Variants in ZCCHC7 observed in about 807,000 individuals in gnomAD.
The protein encoded by ZCCHC7 is zinc finger CCHC-type containing 7.
Under a neutral mutation model 52.0 loss-of-function variants are expected in ZCCHC7, and 35 were observed. That is an observed-to-expected ratio of 0.67 (90% CI 0.51 to 0.89). ZCCHC7 has a LOEUF of 0.89. ZCCHC7 is among the 40% of genes least tolerant of loss of function. ZCCHC7 has a pLI of 0.00. For missense variants in ZCCHC7, 574 were observed against 649.1 expected (o/e 0.88, Z 1.26); for synonymous variants, 217 against 221.5 (o/e 0.98, Z 0.18).
intron 2 of ZCCHC7, among the ~76,000 whole-genome samples, chr9:37,156,051 A>C (rs1447392539): frequency 6.6e-6 from 1 of 152,200 alleles, no homozygotes; most frequent in Non-Finnish European, 1.5e-5. Context: ...ATGTTAGTTC[A>C]TGTGTGTTAG....
intron 2 of ZCCHC7, among the ~76,000 whole-genome samples, chr9:37,232,327 C>G (rs1380318143): frequency 6.6e-6 from 1 of 152,206 alleles, no homozygotes; most frequent in African/African-American, 2.4e-5. Flanking sequence ...GCCCTGGCTA[C>G]ACATTAGAAT....
At chr9:37,187,465 C>G (rs990989038) in intron 2 of ZCCHC7, among the ~76,000 whole-genome samples, 1 of 152,228 alleles carries the variant, frequency 6.6e-6, no homozygotes, top group African/African-American at 2.4e-5. Flanking sequence ...ACTAGCCTGC[C>G]GGCTGCTCAC....
intron 3 of ZCCHC7, among the ~76,000 whole-genome samples, chr9:37,302,958 T>G (rs990639310): frequency 1.3e-5 from 2 of 152,180 alleles, no homozygotes; most frequent in Non-Finnish European, 2.9e-5. Context: ...TTATCAGTCT[T>G]TTATTATCAT....
At chr9:37,172,737 A>C (rs1821799424) in intron 2 of ZCCHC7, among the ~76,000 whole-genome samples, 1 of 151,200 alleles carries the variant, frequency 6.6e-6, no homozygotes, top group Admixed American at 6.6e-5. Flanking sequence ...CATCGTGGGC[A>C]TTCCAGTTGT....
intron 2 of ZCCHC7, among the ~76,000 whole-genome samples, chr9:37,179,254 A>G (rs1822220241): frequency 6.6e-6 from 1 of 152,188 alleles, no homozygotes; most frequent in Non-Finnish European, 1.5e-5. Context: ...TGATCGATTT[A>G]TAAGTCTGTT....
intron 2 of ZCCHC7, among the ~76,000 whole-genome samples, chr9:37,167,141 T>A (rs1182078191): frequency 6.6e-6 from 1 of 152,106 alleles, no homozygotes; most frequent in Non-Finnish European, 1.5e-5. Context: ...GGTTATTTTT[T>A]ACTTTTTTCT....
intron 5 of ZCCHC7, among the ~76,000 whole-genome samples, chr9:37,325,581 G>A (rs965167690): frequency 2.2e-4 from 33 of 152,116 alleles, no homozygotes; most frequent in African/African-American, 8.0e-4. Flanking sequence ...GTAAAAAGAA[G>A]TTGAAGCCAT....
chr9:37,296,881 T>TTGTGTGTGTGTGTG (rs56378965), intron 2 of ZCCHC7, among the ~76,000 whole-genome samples: 1,825 of 124,148 alleles, frequency 0.015, 39 homozygotes, highest in Admixed American at 0.022. Context: ...CCTGGCTAGT[T>TTGTGTGTGTGTGTG]TGTGTGTGTG....
At chr9:37,288,088 G>A (rs888332503) in intron 2 of ZCCHC7, among the ~76,000 whole-genome samples, 1 of 151,936 alleles carries the variant, frequency 6.6e-6, no homozygotes, top group Non-Finnish European at 1.5e-5. Flanking sequence ...AGACCAGCCT[G>A]GGCATCATAG....
At chr9:37,213,621 T>G (rs1403815432) in intron 2 of ZCCHC7, among the ~76,000 whole-genome samples, 1 of 152,150 alleles carries the variant, frequency 6.6e-6, no homozygotes, top group Admixed American at 6.5e-5. Context: ...ATGTTTTAGA[T>G]TCATTGATCT....
rs559463553 is a variant in ZCCHC7 at position 37,199,330 on chromosome 9, T to C, written c.610+72388T>C. ...TTTCTTTTTTCTTTTCTTTCTTCTT[T>C]TTTTTTTTTTTTTTTCTTGAGACGG... is the stretch of plus-strand genomic sequence containing the variant. On this transcript the variant is annotated intron_variant, in intron 2 of 8. Transcript: ENST00000336755. Among the ~76,000 whole-genome samples the C allele has an allele frequency of 3.6e-3, 534 of 147,794 alleles. 2 individuals are homozygous for C. The highest frequency in any genetic ancestry group is 6.9e-3 in the African/African-American group (280 of 40,514).
At chr9:37,326,604 A>C (rs1268254583) in intron 5 of ZCCHC7, among the ~76,000 whole-genome samples, 1 of 151,886 alleles carries the variant, frequency 6.6e-6, no homozygotes, top group Non-Finnish European at 1.5e-5. Flanking sequence ...AAACATATCT[A>C]CTTTTTTGTC....
At chr9:37,245,854 A>G (rs950925669) in intron 2 of ZCCHC7, among the ~76,000 whole-genome samples, 21 of 152,206 alleles carry the variant, frequency 1.4e-4, no homozygotes, top group African/African-American at 3.6e-4. Context: ...CCCTATTGCT[A>G]TTGCTTAAGA....
intron 2 of ZCCHC7, among the ~76,000 whole-genome samples, chr9:37,138,031 T>A (rs1280771796): frequency 6.6e-6 from 1 of 152,142 alleles, no homozygotes; most frequent in Non-Finnish European, 1.5e-5. Context: ...ATCAAGGAGC[T>A]CCCTCTCTGA....
intron 2 of ZCCHC7, among the ~76,000 whole-genome samples, chr9:37,173,795 C>T (rs1409985621): frequency 1.3e-5 from 2 of 152,146 alleles, no homozygotes; most frequent in East Asian, 1.9e-4. Flanking sequence ...CTTGTTATTA[C>T]TTAATAAACC....
intron 2 of ZCCHC7, among the ~76,000 whole-genome samples, chr9:37,137,349 G>A (rs1843040371): frequency 6.6e-6 from 1 of 152,178 alleles, no homozygotes; most frequent in South Asian, 2.1e-4. Context: ...AAATGGGTAG[G>A]ACTTGAAGTT....
chr9:37,247,057 T>C (rs1400535853), intron 2 of ZCCHC7, among the ~76,000 whole-genome samples: 1 of 152,174 alleles, frequency 6.6e-6, no homozygotes, highest in Non-Finnish European at 1.5e-5. Flanking sequence ...TGAAATTTTG[T>C]TATCTTTGAC....
intron 2 of ZCCHC7, among the ~76,000 whole-genome samples, chr9:37,215,909 T>C (rs567570298): frequency 6.6e-6 from 1 of 152,320 alleles, no homozygotes; most frequent in African/African-American, 2.4e-5. Flanking sequence ...TTTAATTTTG[T>C]TATATAAGAG....
At chr9:37,304,094 T>G in intron 3 of ZCCHC7, 94 bp from the exon 4 acceptor site, 1 of 1,238,092 alleles carries the variant, frequency 8.1e-7, no homozygotes, top group East Asian at 2.4e-5. Context: ...TGATGTATCT[T>G]TATTTGCTTA....
Sources: gnomAD v4.1 joint callset for allele counts (sites outside exome capture counted in the v4.1 genomes callset) on GRCh38, gnomAD v4.1.1 for gene constraint, MANE v1.5 for transcripts, NCBI Gene and HGNC (gene_info 2026-07-23, HGNC 2026-07-21) for gene names.